MEMO1: variants seen among roughly 807,000 people sequenced by gnomAD.
The protein encoded by MEMO1 is protein MEMO1.
MEMO1 carries 6 observed loss-of-function variants against 45.2 expected under a neutral mutation model. The observed-to-expected ratio is 0.13, with a 90% CI of 0.07 to 0.26. MEMO1 has a LOEUF of 0.26. MEMO1 is among the 10% of genes least tolerant of loss of function. MEMO1 has a pLI of 1.00. For missense variants in MEMO1, 184 were observed against 370.5 expected (o/e 0.50, Z 4.13); for synonymous variants, 78 against 124.3 (o/e 0.63, Z 2.48).
Position 31,945,744 on chromosome 2 carries a change from T to C in MEMO1, c.62-2361A>G, listed in dbSNP as rs534462705. Among the ~76,000 whole-genome samples the C allele has an allele frequency of 5.6e-4, 86 of 152,218 alleles. No individual in the cohort carries two copies. The South Asian group carries it at 0.017, about 30-fold the overall frequency. On this transcript the variant is annotated intron_variant, in intron 2 of 9. Transcript: ENST00000404530. The stretch of plus-strand genomic sequence containing the variant: ...CAGGGTGCCTAACTTTGGCAGGCCA[T>C]CTAGTTCCAAGTTGTAAAATTACAT...
chr2:31,950,642 A>T (rs1307319914), intron 2 of MEMO1, among the ~76,000 whole-genome samples: 4 of 151,426 alleles, frequency 2.6e-5, no homozygotes, highest in Non-Finnish European at 2.9e-5. Flanking sequence ...AATCGCTTGA[A>T]CCTGGGAAGC....
intron 6 of MEMO1, among the ~76,000 whole-genome samples, chr2:31,894,004 T>C (rs1677345768): frequency 6.6e-6 from 1 of 152,198 alleles, no homozygotes; most frequent in Non-Finnish European, 1.5e-5. Context: ...GAAAAGAGCA[T>C]TTAGCTTTGA....
intron 2 of MEMO1, among the ~76,000 whole-genome samples, chr2:31,981,596 G>T (rs1670643956): frequency 6.6e-6 from 1 of 152,138 alleles, no homozygotes; most frequent in African/African-American, 2.4e-5. Flanking sequence ...AGGGAGAAAA[G>T]CATTTATTTG....
intron 2 of MEMO1, among the ~76,000 whole-genome samples, chr2:31,960,785 C>T (rs1333652582): frequency 6.6e-6 from 1 of 151,964 alleles, no homozygotes; most frequent in Non-Finnish European, 1.5e-5. Flanking sequence ...AGTGTTTCCC[C>T]ATGTTGGTCA....
chr2:31,949,441 T>C (rs1056247683), intron 2 of MEMO1, among the ~76,000 whole-genome samples: 7 of 152,148 alleles, frequency 4.6e-5, no homozygotes, highest in Non-Finnish European at 1.0e-4. Context: ...TCCAGTCATC[T>C]GCAATAACAT....
At chr2:31,929,205 CATTTTT>C (rs1199646987) in intron 4 of MEMO1, among the ~76,000 whole-genome samples, 2 of 151,836 alleles carry the variant, frequency 1.3e-5, no homozygotes, top group South Asian at 4.2e-4. Context: ...AACATATTTC[CATTTTT>C]ATTTTTATTA....
chr2:31,932,535 C>A (rs910129761), intron 3 of MEMO1, among the ~76,000 whole-genome samples: 1 of 151,882 alleles, frequency 6.6e-6, no homozygotes, highest in African/African-American at 2.4e-5. Context: ...ACCTCCCAGG[C>A]TCAAGCAATC....
At chr2:32,008,383 A>G (rs1382775586) in intron 2 of MEMO1, among the ~76,000 whole-genome samples, 1 of 152,248 alleles carries the variant, frequency 6.6e-6, no homozygotes, top group East Asian at 1.9e-4. Flanking sequence ...CGGGAGTTAG[A>G]GACCAGCATG....
Position 31,868,501 on chromosome 2 carries a change from A to G in MEMO1, c.763-9T>C. 6.3e-7 allele frequency: 1 copy of G among 1,592,654 alleles called. No homozygotes were observed. The highest frequency in any genetic ancestry group is 8.5e-7 in the Non-Finnish European group (1 of 1,170,778). ...TGGAGCTCTGTGATAGCCTAGAAAAAAGAAAAATTTGGTTAGGACACACAT... is the reference window on the plus strand; with the variant it reads ...TGGAGCTCTGTGATAGCCTAGAAAAGAGAAAAATTTGGTTAGGACACACAT... On this transcript the variant is annotated splice_polypyrimidine_tract_variant and intron_variant, in intron 9 of 9. Transcript: ENST00000404530.
At chr2:31,938,605 G>A (rs929378073) in intron 3 of MEMO1, among the ~76,000 whole-genome samples, 8 of 151,730 alleles carry the variant, frequency 5.3e-5, no homozygotes, top group African/African-American at 1.5e-4. Context: ...CTGAGATCGC[G>A]CCACTGCACT....
At chr2:31,957,239 G>A (rs577707967) in intron 2 of MEMO1, among the ~76,000 whole-genome samples, 10 of 151,692 alleles carry the variant, frequency 6.6e-5, no homozygotes, top group Non-Finnish European at 1.2e-4. Context: ...CTTTCAGATC[G>A]TTTGTATTTT....
intron 4 of MEMO1, among the ~76,000 whole-genome samples, chr2:31,928,546 CAAA>C (rs11340855): frequency 4.7e-5 from 5 of 105,452 alleles, no homozygotes; most frequent in Non-Finnish European, 6.1e-5. Context: ...GACTCCATCT[CAAA>C]AAAAAAAAAA....
intron 3 of MEMO1, among the ~76,000 whole-genome samples, chr2:31,934,180 C>A (rs1260836317): frequency 6.6e-6 from 1 of 152,136 alleles, no homozygotes; most frequent in Non-Finnish European, 1.5e-5. Flanking sequence ...CACTCATATA[C>A]CATCCCTTCA....
At position 31,892,043 on chromosome 2, in the gene MEMO1, G is replaced by A; in HGVS notation, c.529C>T (p.Leu177=). Residue 177 remains leucine (L), a synonymous_variant, in exon 7 of 10, where the codon CTA becomes TTA. Transcript: ENST00000404530. ...ACAAAGAGATTACTAGGATCCGCTA[G>A]ATATTTACTGAAGAGTTTTCCGAAT... The part of the protein sequence containing the change: ...QEFGKLFSKY[L]ADPSNLFVVS... 1 of 1,612,504 alleles carries A rather than the reference G, an allele frequency of 6.2e-7. No homozygotes were observed. The highest frequency in any genetic ancestry group is 8.5e-7 in the Non-Finnish European group (1 of 1,179,500).
rs771635419 is a variant in MEMO1, at chr2:31,892,177, T to A, written c.438-43A>T. 3.3e-6 allele frequency: 5 copies of A among 1,526,538 alleles called. No individual in the cohort carries two copies. The East Asian group carries it at 9.0e-5, about 28-fold the overall frequency. The allele number at this position is 1,526,538 out of a possible 1,614,324, so 94.6% of individuals were successfully genotyped here. On this transcript the variant is annotated intron_variant, in intron 6 of 9. Transcript: ENST00000404530. ...AAAAAAAAATGTCATTTAAGATGCT[T>A]AAATGAAAGTTTTCCAAATGTGTTG...
intron 7 of MEMO1, among the ~76,000 whole-genome samples, chr2:31,884,663 A>G (rs1675918623): frequency 6.6e-6 from 1 of 152,216 alleles, no homozygotes; most frequent in Admixed American, 6.5e-5. Context: ...ATTTGTTGAT[A>G]CTGATCACCT....
intron 4 of MEMO1, among the ~76,000 whole-genome samples, chr2:31,931,036 AG>A (rs1200461219): frequency 1.3e-5 from 2 of 152,132 alleles, no homozygotes; most frequent in African/African-American, 4.8e-5. Context: ...GCATGTATCA[AG>A]GAATAATTGT....
At chr2:31,935,067 A>T (rs975598197) in intron 3 of MEMO1, among the ~76,000 whole-genome samples, 3 of 152,178 alleles carry the variant, frequency 2.0e-5, no homozygotes, top group African/African-American at 7.2e-5. Context: ...GTATTAAATC[A>T]TGTAATCCCC....
At chr2:31,964,961 C>G (rs946311827) in intron 2 of MEMO1, among the ~76,000 whole-genome samples, 4 of 151,768 alleles carry the variant, frequency 2.6e-5, no homozygotes, top group African/African-American at 9.7e-5. Flanking sequence ...CCCCTGTAAT[C>G]CCAACACATT....
Sources: gnomAD v4.1 joint callset for allele counts (sites outside exome capture counted in the v4.1 genomes callset) on GRCh38, gnomAD v4.1.1 for gene constraint, MANE v1.5 for transcripts, NCBI Gene and HGNC (gene_info 2026-07-23, HGNC 2026-07-21) for gene names.